The following DECR1 variants were observed in gnomAD, a reference collection of about 807,000 sequenced individuals.
DECR1 encodes 2,4-dienoyl-CoA reductase 1, also known as 2,4-dienoyl-CoA reductase [(3E)-enoyl-CoA-producing], mitochondrial.
Under a neutral mutation model 38.8 loss-of-function variants are expected in DECR1, and 44 were observed. That is an observed-to-expected ratio of 1.13 (90% CI 0.89 to 1.46). DECR1 has a LOEUF of 1.46. Ranked by LOEUF, DECR1 falls within the 40% of genes most tolerant of loss-of-function variation. DECR1 has a pLI of 0.00. For missense variants in DECR1, 428 were observed against 405.5 expected, an observed-to-expected ratio of 1.06 and a Z score of -0.48; for synonymous variants, 148 against 135.2, an observed-to-expected ratio of 1.09 and a Z score of -0.66.
At chr8:90,015,838 C>A (rs1812993773) in intron 1 of DECR1, among the ~76,000 whole-genome samples, 1 of 152,180 alleles carries the variant, frequency 6.6e-6, no homozygotes, top group Non-Finnish European at 1.5e-5. Flanking sequence ...CAGTTTGAAC[C>A]TTGGTTCTGC....
intron 1 of DECR1, chr8:90,005,626 G>C (rs930799494): frequency 1.1e-5 from 4 of 363,944 alleles, no homozygotes; most frequent in African/African-American, 8.5e-5. Context: ...AAGGAGAACT[G>C]TTCATACCCA....
chr8:90,044,796 A>G (rs1343220372), intron 7 of DECR1, 53 bp from the exon 8 acceptor site: 3 of 1,561,892 alleles, frequency 1.9e-6, no homozygotes, highest in Non-Finnish European at 2.6e-6. Context: ...TTGAGTAGGA[A>G]AGGAATTGAT....
At chr8:90,034,914 C>T (rs1813581945) in intron 5 of DECR1, among the ~76,000 whole-genome samples, 1 of 152,064 alleles carries the variant, frequency 6.6e-6, no homozygotes, top group Non-Finnish European at 1.5e-5. Flanking sequence ...CTATTTCTTT[C>T]CTTTTGACAA....
At chr8:90,040,359 A>C (rs139779758) in intron 6 of DECR1, among the ~76,000 whole-genome samples, 1 of 152,338 alleles carries the variant, frequency 6.6e-6, no homozygotes, top group African/African-American at 2.4e-5. Context: ...AAGTCAGATT[A>C]ACAGGCTATC....
chr8:90,035,752 G>A (rs936076836), intron 5 of DECR1, among the ~76,000 whole-genome samples: 7 of 151,844 alleles, frequency 4.6e-5, no homozygotes, highest in Non-Finnish European at 1.0e-4. Flanking sequence ...TTGTTGTTCT[G>A]TGTTTGTGTC....
intron 8 of DECR1, among the ~76,000 whole-genome samples, chr8:90,049,226 G>A (rs1814000413): frequency 6.6e-6 from 1 of 152,174 alleles, no homozygotes; most frequent in African/African-American, 2.4e-5. Flanking sequence ...TAGGAAAAGA[G>A]AAAGTCAAAT....
chr8:90,037,913 A>G (rs891613935), intron 6 of DECR1, among the ~76,000 whole-genome samples: 6 of 152,118 alleles, frequency 3.9e-5, no homozygotes, highest in Admixed American at 3.9e-4. Flanking sequence ...CACCAGAATT[A>G]TCTTTCTAAG....
chr8:90,036,870 T>G lies in DECR1; in HGVS notation c.595T>G (p.Tyr199Asp). ...AGCATTTCTTTCTATTACTACTATC[T>G]ATGCTGAGACTGGTTCAGGTTTTGT... ...GAAFLSITTI[Y>D]AETGSGFVVP... The change falls in exon 6 of 10, where the codon TAT becomes GAT. Residue 199 changes from tyrosine to aspartate, a missense_variant. Transcript: ENST00000220764. 6.2e-7 allele frequency: 1 copy of G among 1,613,408 alleles called. No individual in the cohort carries two copies. The highest frequency in any genetic ancestry group is 8.5e-7 in the Non-Finnish European group (1 of 1,179,612).
rs1362800085 is a variant in DECR1, at chr8:90,044,853, C to T, written c.743C>T (p.Ala248Val). Residue 248 changes from alanine to valine, a missense_variant, in exon 8 of 10, where the codon GCC becomes GTC. Coordinates refer to ENST00000220764, the MANE Select transcript of DECR1 (RefSeq NM_001359.2). ...IQPGPIKTKGAFSRLDPTGTF... is the reference protein window; with the variant it reads ...IQPGPIKTKGVFSRLDPTGTF... ...ATTGTTTTCTTAATTTCTAAGGGTG[C>T]CTTTAGCCGTCTGGACCCAACTGGA... The T allele has an allele frequency of 6.2e-7, 1 of 1,608,534 alleles. No homozygotes were observed. The highest frequency in any genetic ancestry group is 1.1e-5 in the South Asian group (1 of 90,034).
rs113088819 is a variant in DECR1, at chr8:90,022,589, C to T, written c.565+1533C>T. Among the ~76,000 whole-genome samples the T allele has an allele frequency of 2.5e-3, 380 of 151,896 alleles. 3 individuals are homozygous for T. The highest frequency in any genetic ancestry group is 7.9e-3 in the African/African-American group (327 of 41,440). On this transcript the variant is annotated intron_variant, in intron 5 of 9. Transcript: ENST00000220764. ...ACTCCTCTCTCTTCCCTTCTCTGTC[C>T]GAGGAACCTTGATCTCTGTATCTCT...
At chr8:90,037,655 C>G (rs1813647382) in intron 6 of DECR1, among the ~76,000 whole-genome samples, 1 of 151,976 alleles carries the variant, frequency 6.6e-6, no homozygotes, top group Admixed American at 6.6e-5. Flanking sequence ...TGCTATGTTG[C>G]CCAGGCTGGT....
intron 5 of DECR1, among the ~76,000 whole-genome samples, chr8:90,022,018 A>G (rs1813176993): frequency 6.6e-6 from 1 of 152,220 alleles, no homozygotes; most frequent in Non-Finnish European, 1.5e-5. Flanking sequence ...ACTTTTGGGT[A>G]GCAGGCCCTA....
intron 5 of DECR1, among the ~76,000 whole-genome samples, chr8:90,031,980 G>C (rs1453576929): frequency 6.6e-6 from 1 of 152,104 alleles, no homozygotes; most frequent in Non-Finnish European, 1.5e-5. Context: ...CCATTGTGGG[G>C]ACCACAAATG....
intron 1 of DECR1, among the ~76,000 whole-genome samples, chr8:90,003,549 AC>A (rs1379221778): frequency 6.6e-6 from 1 of 152,238 alleles, no homozygotes; most frequent in African/African-American, 2.4e-5. Context: ...TTAATTAAGT[AC>A]CTATTAAGTA....
chr8:90,026,621 T>C (rs1383106076), intron 5 of DECR1, among the ~76,000 whole-genome samples: 1 of 152,222 alleles, frequency 6.6e-6, no homozygotes, highest in Non-Finnish European at 1.5e-5. Context: ...TCTTTTCTTC[T>C]TTATTACTCT....
intron 1 of DECR1, chr8:90,005,171 G>A (rs554486342): frequency 8.2e-6 from 3 of 364,414 alleles, no homozygotes; most frequent in African/African-American, 6.4e-5. Context: ...GTATTGTGGA[G>A]TTGGTGAAGT....
intron 8 of DECR1, among the ~76,000 whole-genome samples, chr8:90,049,027 A>T (rs1448854329): frequency 6.6e-6 from 1 of 152,226 alleles, no homozygotes; most frequent in African/African-American, 2.4e-5. Context: ...CTAGGTATTG[A>T]TGGGACATGC....
chr8:90,035,618 G>T (rs1813601628), intron 5 of DECR1, among the ~76,000 whole-genome samples: 1 of 151,888 alleles, frequency 6.6e-6, no homozygotes. Context: ...AAGGCTGTTT[G>T]TCTGCTACAT....
chr8:90,029,771 G>A (rs1281884391), intron 5 of DECR1, among the ~76,000 whole-genome samples: 1 of 152,064 alleles, frequency 6.6e-6, no homozygotes, highest in Non-Finnish European at 1.5e-5. Flanking sequence ...TACTTGGCCA[G>A]TTACTCTTCC....
Sources: gnomAD v4.1 joint callset for allele counts (sites outside exome capture counted in the v4.1 genomes callset) on GRCh38, gnomAD v4.1.1 for gene constraint, MANE v1.5 for transcripts, NCBI Gene and HGNC (gene_info 2026-07-23, HGNC 2026-07-21) for gene names.